The following CELSR2 variants were observed in gnomAD, a reference collection of about 807,000 sequenced individuals.
The protein encoded by CELSR2 is cadherin EGF LAG seven-pass G-type receptor 2, also known as EGF-like protein 2.
Under a neutral mutation model 251.6 loss-of-function variants are expected in CELSR2, and 81 were observed. The ratio of observed to expected loss-of-function variants is 0.32; its 90% CI spans 0.27 to 0.39. The LOEUF (loss-of-function observed/expected upper bound fraction) is 0.39. Among genes scored for constraint, CELSR2 ranks in the 10% least tolerant of loss-of-function variants. The pLI, the probability that CELSR2 is intolerant of heterozygous loss-of-function variation, is 1.00. For synonymous variants in CELSR2, 1,721 were observed against 1,670.5 expected (o/e 1.03, Z -0.74); for missense variants, 3,365 against 3,947.7 (o/e 0.85, Z 3.96).
rs369686223 is a variant in CELSR2 at position 109,270,029 on chromosome 1, C to T, written c.7204C>T (p.Arg2402Cys). The T allele has an allele frequency of 4.9e-5, 79 of 1,614,026 alleles. No homozygotes were observed. The highest frequency in any genetic ancestry group is 6.1e-5 in the Non-Finnish European group (72 of 1,180,040). Residue 2402 changes from arginine to cysteine, a missense_variant, in exon 23 of 34, where the codon CGT (arginine) becomes TGT (cysteine). Coordinates refer to ENST00000271332, the MANE Select transcript of CELSR2 (RefSeq NM_001408.3). ...LLTFFFLTLL[R>C]ILRSNQHGIR... The stretch of plus-strand genomic sequence containing the variant: ...CACCTTCTTCTTCCTCACTCTCTTG[C>T]GTATCCTGCGCTCCAACCAACACGG...
chr1:109,251,631 G>A lies in CELSR2; in HGVS notation c.1552G>A (p.Val518Ile), dbSNP rs777359996. The A allele has an allele frequency of 1.1e-5, 17 of 1,613,830 alleles. No individual in the cohort carries two copies. The highest frequency in any genetic ancestry group is 4.5e-5 in the East Asian group (2 of 44,866). ...TPFQATVLES[V>I]PLGYLVLHVQ... The stretch of plus-strand genomic sequence containing the variant: ...TTTCCAGGCTACTGTCCTGGAGAGT[G>A]TCCCCTTAGGCTACCTGGTTCTCCA... The change falls in exon 1 of 34, where the codon GTC (valine) becomes ATC (isoleucine). Residue 518 changes from valine (V) to isoleucine (I), a missense_variant. Val to Ile is a conservative substitution (Grantham distance 29). Coordinates refer to ENST00000271332, the MANE Select transcript of CELSR2 (RefSeq NM_001408.3). The surrounding 1 kb of genome is among the most constrained non-coding windows in gnomAD (Gnocchi z 4.9).
rs199799553 is a variant in CELSR2 at position 109,270,412 on chromosome 1, G to A, written c.7309-14G>A. ...GGGCCCCGGTCGCTGACCTGCCCTG[G>A]CCTGGGCCCTCAGTTTGCCTGCACA... On this transcript the variant is annotated splice_polypyrimidine_tract_variant and intron_variant, in intron 23 of 33. Coordinates refer to ENST00000271332, the MANE Select transcript of CELSR2 (RefSeq NM_001408.3). 4.5e-5 allele frequency: 72 copies of A among 1,613,874 alleles called. No homozygotes were observed. In the East Asian group the frequency reaches 7.4e-4, roughly 16 times the overall value.
chr1:109,251,143 T>A lies in CELSR2; in HGVS notation c.1064T>A (p.Val355Glu). ...GGGGTGATCCGAACCCGTGGCCCTGTGGATCGGGAAGAGGTGGAATCCTAC... is the reference window on the plus strand; with the variant it reads ...GGGGTGATCCGAACCCGTGGCCCTGAGGATCGGGAAGAGGTGGAATCCTAC... Reference protein sequence around the residue: ...RSGVIRTRGPVDREEVESYQL... With the variant: ...RSGVIRTRGPEDREEVESYQL... Residue 355 changes from valine to glutamate, a missense_variant, in exon 1 of 34, where the codon GTG becomes GAG. Physicochemically the swap from Val to Glu is moderately radical, Grantham distance 121. Coordinates refer to ENST00000271332, the MANE Select transcript of CELSR2 (RefSeq NM_001408.3). This position sits in a 1 kb window ranked among gnomAD's most constrained non-coding sequence, Gnocchi z 4.9. The A allele has an allele frequency of 6.2e-7, 1 of 1,613,212 alleles. No homozygotes were observed. Among genetic ancestry groups the A allele is most frequent in the Non-Finnish European group, 8.5e-7 (1 of 1,179,968 alleles).
At position 109,250,374 on chromosome 1, in the gene CELSR2, G is replaced by C. The variant is rs768391660; in HGVS notation, c.295G>C (p.Ala99Pro). Residue 99 changes from alanine (A) to proline (P), a missense_variant, in exon 1 of 34, where the codon GCC becomes CCC. By Grantham distance (27) the Ala-to-Pro change is conservative. Coordinates refer to ENST00000271332, the MANE Select transcript of CELSR2 (RefSeq NM_001408.3). The surrounding 1 kb of genome is among the most constrained non-coding windows in gnomAD (Gnocchi z 4.4). ...GLRVWCPESE[A>P]HIPLPPAPEG... ...GAGGGTTTGGTGTCCAGAATCCGAG[G>C]CCCATATTCCCCTACCACCAGCTCC... is the stretch of plus-strand genomic sequence containing the variant. The C allele has an allele frequency of 6.2e-7, 1 of 1,613,410 alleles. No homozygotes were observed. The highest frequency in any genetic ancestry group is 1.3e-5 in the African/African-American group (1 of 74,952).
intron 7 of CELSR2, 26 bp downstream of exon 7, chr1:109,262,995 G>A (rs1474991399): frequency 6.2e-7 from 1 of 1,606,468 alleles, no homozygotes; most frequent in East Asian, 2.2e-5. Flanking sequence ...GTGGAGCCAG[G>A]CTGGGATCCC....
rs200168090 is a variant in CELSR2, at chr1:109,269,956, G to A, written c.7131G>A (p.Lys2377=). The A allele has an allele frequency of 3.8e-4, 614 of 1,614,146 alleles. 3 individuals carry two copies. The highest frequency in any genetic ancestry group is 1.1e-4 in the Non-Finnish European group (132 of 1,180,016). ...RRENGEILPL[K]TLTYVALGVT... The stretch of plus-strand genomic sequence containing the variant: ...AGAATGGGGAGATCCTGCCACTGAA[G>A]ACACTGACATACGTGGCTCTAGGTG... The change falls in exon 23 of 34, where the codon AAG becomes AAA. Residue 2377 remains lysine, a synonymous_variant. Coordinates refer to ENST00000271332, the MANE Select transcript of CELSR2 (RefSeq NM_001408.3). This position sits in a 1 kb window ranked among gnomAD's most constrained non-coding sequence, Gnocchi z 6.4.
In CELSR2 at chr1:109,268,972, G is replaced by C. The variant is rs1207321669; in HGVS notation, c.6595G>C (p.Glu2199Gln). ...GCGTGGGGAGCAGCCCCCGGACCTT[G>C]AGACAACAGTCATTCTGCCTGAGTC... ...ALRGEQPPDLETTVILPESVF... is the reference protein window; with the variant it reads ...ALRGEQPPDLQTTVILPESVF... Residue 2199 changes from glutamate (E) to glutamine (Q), a missense_variant, in exon 19 of 34, where the codon GAG becomes CAG. Physicochemically the swap from Glu to Gln is conservative, Grantham distance 29. Around this residue, in one of 5 missense-constraint regions of CELSR2, gnomAD observed 2,093 missense variants for 2,382.8 expected, o/e 0.88. Coordinates refer to ENST00000271332, the MANE Select transcript of CELSR2 (RefSeq NM_001408.3). 5 of 1,613,560 alleles carry C rather than the reference G, an allele frequency of 3.1e-6. No homozygotes were observed. Among genetic ancestry groups the C allele is most frequent in the Middle Eastern group, 1.6e-4 (1 of 6,062 alleles).
At position 109,269,817 on chromosome 1, in the gene CELSR2, G is replaced by T. The variant is rs1435495560; in HGVS notation, c.7104G>T (p.Arg2368=). The change falls in exon 22 of 34, where the codon CGG becomes CGT. Residue 2368 remains arginine, a synonymous_variant. Transcript: ENST00000271332. This position sits in a 1 kb window ranked among gnomAD's most constrained non-coding sequence, Gnocchi z 6.4. ...SFAVLMDVSR[R]ENGEILPLKT... ...CTGTGCTCATGGACGTTTCTCGGCG[G>T]GAGGTCGGGCCCACAGGGGCAGCTG... 1 of 1,612,760 alleles carries T rather than the reference G, an allele frequency of 6.2e-7. No homozygotes were observed. The highest frequency in any genetic ancestry group is 1.7e-5 in the Admixed American group (1 of 60,022).
chr1:109,262,489 G>T, intron 6 of CELSR2, 45 bp downstream of exon 6: 1 of 1,600,486 alleles, frequency 6.2e-7, no homozygotes, highest in South Asian at 1.1e-5. Flanking sequence ...TGAGGGCAGG[G>T]CCAGGCAGGG....
intron 7 of CELSR2, 31 bp from the exon 8 acceptor site, chr1:109,263,111 G>C (rs768983956): frequency 1.3e-6 from 2 of 1,587,164 alleles, no homozygotes; most frequent in South Asian, 2.2e-5. Flanking sequence ...CCCCAGCTCA[G>C]GTCCACTGAG....
intron 33 of CELSR2, 47 bp from the exon 34 acceptor site, chr1:109,273,975 A>T: frequency 6.2e-7 from 1 of 1,608,528 alleles, no homozygotes; most frequent in Non-Finnish European, 8.5e-7. Flanking sequence ...TGTTTCAACT[A>T]ACCCTCTGTC....
In CELSR2 at chr1:109,271,787, T is replaced by C. The variant is rs561674705; in HGVS notation, c.7926+65T>C. 6 of 1,572,408 alleles carry C rather than the reference T, an allele frequency of 3.8e-6. No individual in the cohort carries two copies. The African/African-American group carries it at 8.1e-5, about 21-fold the overall frequency. On this transcript the variant is annotated intron_variant, in intron 28 of 33. Coordinates refer to ENST00000271332, the MANE Select transcript of CELSR2 (RefSeq NM_001408.3). ...GGAGAGGCAGGAGGCCCAGTGAGCC[T>C]GTACTTTTGGCCCCACTCCCCTTTC... is the stretch of plus-strand genomic sequence containing the variant.
intron 1 of CELSR2, among the ~76,000 whole-genome samples, chr1:109,256,242 G>A (rs920983410): frequency 2.6e-5 from 4 of 152,194 alleles, no homozygotes; most frequent in African/African-American, 7.2e-5. Context: ...AGGTGAGCTA[G>A]GGCAGGTTAG....
In CELSR2 at chr1:109,273,485, C is replaced by T. The variant is rs371413767; in HGVS notation, c.8559C>T (p.Leu2853=). The change falls in exon 33 of 34, where the codon CTC becomes CTT. Residue 2853 remains leucine, a synonymous_variant. Transcript: ENST00000271332. ...CLPTISEKSS[L]LRLPLEQCTG... is the part of the protein sequence containing the mutation. ...CCACCATCAGCGAGAAGAGCAGCCT[C>T]CTGCGGCTCCCCCTGGAGCAATGCA... 24 of 1,612,220 alleles carry T rather than the reference C, an allele frequency of 1.5e-5. No homozygotes were observed. Among genetic ancestry groups the T allele is most frequent in the Non-Finnish European group, 2.0e-5 (24 of 1,179,454 alleles).
rs1476171658 is a variant in CELSR2 at position 109,253,143 on chromosome 1, G to A, written c.3064G>A (p.Val1022Met). 1.2e-6 allele frequency: 2 copies of A among 1,613,810 alleles called. No individual in the cohort carries two copies. Among genetic ancestry groups the A allele is most frequent in the Non-Finnish European group, 1.7e-6 (2 of 1,180,040 alleles). Residue 1022 changes from valine to methionine, a missense_variant, in exon 1 of 34, where the codon GTG (valine) becomes ATG (methionine). Transcript: ENST00000271332. Reference sequence around the variant, plus strand: ...CCTTGACCGCAATGACAACCCACCAGTGCTGGGCAACTTTGAGATCCTTTT... The same window carrying A: ...CCTTGACCGCAATGACAACCCACCAATGCTGGGCAACTTTGAGATCCTTTT... ...RLLDRNDNPP[V>M]LGNFEILFNN... is the part of the protein sequence containing the mutation.
chr1:109,256,990 G>A (rs1378569776), intron 1 of CELSR2, among the ~76,000 whole-genome samples: 1 of 152,192 alleles, frequency 6.6e-6, no homozygotes, highest in East Asian at 1.9e-4. Flanking sequence ...TTTATTCTTT[G>A]TGGAGACTGA....
Position 109,261,734 on chromosome 1 carries a change from C to T in CELSR2, c.4298-74C>T, listed in dbSNP as rs750594944. 57 of 1,546,922 alleles carry T rather than the reference C, an allele frequency of 3.7e-5. 1 individual carries two copies. Among genetic ancestry groups the T allele is most frequent in the Non-Finnish European group, 4.9e-5 (55 of 1,130,216 alleles). On this transcript the variant is annotated intron_variant, in intron 4 of 33. Transcript: ENST00000271332. This position sits in a 1 kb window ranked among gnomAD's most constrained non-coding sequence, Gnocchi z 4.8. The stretch of plus-strand genomic sequence containing the variant: ...TATCAGCCAAATCTGGGCCCAGCCC[C>T]AGCCACTGGCACCCCAAACCCTGCC...
intron 33 of CELSR2, 92 bp downstream of exon 33, chr1:109,273,762 G>A: frequency 9.0e-7 from 1 of 1,112,918 alleles, no homozygotes; most frequent in Non-Finnish European, 1.3e-6. Context: ...AGGTGACTCT[G>A]GATGGCATTT....
At chr1:109,270,771 G>A (rs762472783) in intron 24 of CELSR2, 156 bp from the exon 25 acceptor site, 44 of 1,012,524 alleles carry the variant, frequency 4.3e-5, no homozygotes, top group Non-Finnish European at 5.6e-5. Flanking sequence ...CCACCCAGGC[G>A]TCACTCCCTT....
Sources: gnomAD v4.1 joint callset for allele counts (sites outside exome capture counted in the v4.1 genomes callset) on GRCh38, gnomAD v4.1.1 for gene constraint, gnomAD v4.1.1 regional missense constraint, Gnocchi (gnomAD v3.1) non-coding constraint, MANE v1.5 for transcripts, NCBI Gene and HGNC (gene_info 2026-07-23, HGNC 2026-07-21) for gene names.